GASK1A: variants seen among roughly 807,000 people sequenced by gnomAD.
GASK1A encodes the protein Golgi-associated kinase 1A.
GASK1A carries 40 observed loss-of-function variants against 41.2 expected under a neutral mutation model. That is an observed-to-expected ratio of 0.97 (90% confidence interval 0.75 to 1.27). The LOEUF is 1.27. Among genes scored for constraint, GASK1A ranks in the 50% most tolerant of loss-of-function variants. The probability of loss-of-function intolerance (pLI) is 0.00; values close to 1 mark genes in which losing one functional copy is unlikely to be tolerated. For missense variants in GASK1A, 678 were observed against 745.1 expected (o/e 0.91, Z 1.05); for synonymous variants, 316 against 307.1 (o/e 1.03, Z -0.30).
intron 1 of GASK1A, among the ~76,000 whole-genome samples, chr3:43,031,896 A>G (rs571424010): frequency 6.6e-6 from 1 of 152,344 alleles, no homozygotes; most frequent in African/African-American, 2.4e-5. Context: ...ATGGGATCAC[A>G]TGGAGACAAA....
At chr3:43,017,156 AG>A (rs1236634738) in intron 1 of GASK1A, among the ~76,000 whole-genome samples, 1 of 148,034 alleles carries the variant, frequency 6.8e-6, no homozygotes, top group African/African-American at 2.5e-5. Context: ...TCACAGAGGC[AG>A]TGTGAAGTCA....
chr3:43,045,588 T>G (rs2089657771), intron 2 of GASK1A, among the ~76,000 whole-genome samples: 1 of 152,238 alleles, frequency 6.6e-6, no homozygotes, highest in African/African-American at 2.4e-5. Context: ...TTTTCTGATC[T>G]CTGCACTAAA....
At position 43,056,182 on chromosome 3, in the gene GASK1A, T is replaced by A; in HGVS notation, c.1524T>A (p.Pro508=). 1.9e-6 allele frequency: 3 copies of A among 1,549,782 alleles called. No homozygotes were observed. Among genetic ancestry groups the A allele is most frequent in the Non-Finnish European group, 2.6e-6 (3 of 1,145,654 alleles). The change falls in exon 5 of 5, where the codon CCT becomes CCA. Residue 508 remains proline (P), a synonymous_variant. Transcript: ENST00000430121. The part of the protein sequence containing the change: ...FRLLEGIDGF[P]ESAVKVLASG... ...TCTGGGGCCTTTGCTCCAGGTTTCC[T>A]GAGTCTGCCGTGAAGGTTCTCGCAT...
intron 1 of GASK1A, among the ~76,000 whole-genome samples, chr3:42,981,715 G>A (rs556738071): frequency 6.8e-4 from 104 of 152,312 alleles, no homozygotes; most frequent in Non-Finnish European, 1.3e-3. Context: ...GAAAGCTGGG[G>A]CTCAAAGCTG....
At chr3:43,002,513 C>T (rs1482033927) in intron 1 of GASK1A, among the ~76,000 whole-genome samples, 3 of 152,102 alleles carry the variant, frequency 2.0e-5, no homozygotes, top group Non-Finnish European at 4.4e-5. Flanking sequence ...TCCTGGGGCT[C>T]CAAGGACCTC....
chr3:43,032,597 C>T lies in GASK1A; in HGVS notation c.334C>T (p.Leu112Phe), dbSNP rs1559404617. 3 of 1,551,602 alleles carry T rather than the reference C, an allele frequency of 1.9e-6. No individual in the cohort carries two copies. The highest frequency in any genetic ancestry group is 2.6e-6 in the Non-Finnish European group (3 of 1,146,930). The change falls in exon 2 of 5, where the codon CTC (leucine) becomes TTC (phenylalanine). Residue 112 changes from leucine to phenylalanine, a missense_variant. Leu to Phe is a conservative substitution (Grantham distance 22). Coordinates refer to ENST00000430121, the MANE Select transcript of GASK1A (RefSeq NM_001129908.3). ...DRSRESPGGD[L>F]RHPGRVRRDI... ...AAGCAGGGAGTCCCCAGGAGGGGACCTCAGGCATCCAGGGAGGGTGAGGAG... is the reference window on the plus strand; with the variant it reads ...AAGCAGGGAGTCCCCAGGAGGGGACTTCAGGCATCCAGGGAGGGTGAGGAG...
intron 1 of GASK1A, among the ~76,000 whole-genome samples, chr3:42,987,660 C>A (rs7644923): frequency 0.14 from 21,785 of 152,050 alleles, 1,766 homozygotes; most frequent in Non-Finnish European, 0.18. Context: ...CCCCTTTAAT[C>A]CTTTGAATTG....
At chr3:43,050,312 T>C (rs376919491) in intron 2 of GASK1A, among the ~76,000 whole-genome samples, 2 of 152,186 alleles carry the variant, frequency 1.3e-5, no homozygotes, top group East Asian at 3.8e-4. Context: ...TGACAGGCTC[T>C]CTTTTTTTTA....
At chr3:43,005,697 A>G (rs980722831) in intron 1 of GASK1A, among the ~76,000 whole-genome samples, 3 of 152,228 alleles carry the variant, frequency 2.0e-5, no homozygotes, top group Non-Finnish European at 4.4e-5. Context: ...TAAGAAAAAA[A>G]AATCGTAGGC....
chr3:43,056,150 A>T, intron 4 of GASK1A, 26 bp from the exon 5 acceptor site: 1 of 1,515,448 alleles, frequency 6.6e-7, no homozygotes. Flanking sequence ...TCTTTCTGTT[A>T]CGGGGCTCTG....
At position 43,033,309 on chromosome 3, in the gene GASK1A, G is replaced by A. The variant is rs1026132010; in HGVS notation, c.1046G>A (p.Arg349His). 29 of 1,550,952 alleles carry A rather than the reference G, an allele frequency of 1.9e-5. No homozygotes were observed. The highest frequency in any genetic ancestry group is 1.7e-4 in the Middle Eastern group (1 of 6,014). Residue 349 changes from arginine to histidine, a missense_variant, in exon 2 of 5, where the codon CGC becomes CAC. Coordinates refer to ENST00000430121, the MANE Select transcript of GASK1A (RefSeq NM_001129908.3). ...GLRRSLPAVA[R>H]RFHSPLLPYR... ...CGCCGGAGCCTACCTGCTGTGGCCC[G>A]CCGCTTCCATAGCCCCCTCCTGCCC...
chr3:43,053,693 T>C, intron 3 of GASK1A, 50 bp downstream of exon 3: 1 of 1,548,820 alleles, frequency 6.5e-7, no homozygotes, highest in Non-Finnish European at 8.7e-7. Context: ...CAGGTCTTTC[T>C]GTGTCCTTCA....
At chr3:43,042,305 CA>C (rs61149633) in intron 2 of GASK1A, among the ~76,000 whole-genome samples, 20,368 of 130,566 alleles carry the variant, frequency 0.16, 1,354 homozygotes, top group South Asian at 0.3. Context: ...CTTGTCCCTA[CA>C]AAAAAAAAAA....
chr3:43,009,657 T>G (rs1374891801), intron 1 of GASK1A, among the ~76,000 whole-genome samples: 2 of 152,232 alleles, frequency 1.3e-5, no homozygotes, highest in African/African-American at 2.4e-5. Context: ...AGAGTCATTG[T>G]GAGAATATCT....
intron 1 of GASK1A, among the ~76,000 whole-genome samples, chr3:43,028,430 A>G (rs1182562856): frequency 2.0e-5 from 3 of 152,236 alleles, no homozygotes; most frequent in Admixed American, 6.5e-5. Context: ...TGAATTTACA[A>G]TACAGAAAAT....
intron 1 of GASK1A, among the ~76,000 whole-genome samples, chr3:42,985,043 TTAGA>T (rs961055978): frequency 5.9e-5 from 9 of 152,136 alleles, no homozygotes; most frequent in Non-Finnish European, 1.5e-5. Context: ...AAGCACATAG[TTAGA>T]TAAGCTTTTC....
At position 42,992,254 on chromosome 3, in the gene GASK1A, C is replaced by A. The variant is rs117261524; in HGVS notation, c.3+12609C>A. Among the ~76,000 whole-genome samples the A allele has an allele frequency of 2.0e-5, 3 of 152,196 alleles. No homozygotes were observed. The East Asian group carries it at 5.8e-4, about 29-fold the overall frequency. On this transcript the variant is annotated intron_variant, in intron 1 of 4. Transcript: ENST00000430121. ...TATCTTACTCGGTGTGGTTTTAAAG[C>A]ATGAAGGGTTCAGAGGGTGAGTTGT...
At chr3:42,983,560 G>A (rs577469589) in intron 1 of GASK1A, among the ~76,000 whole-genome samples, 10 of 152,326 alleles carry the variant, frequency 6.6e-5, no homozygotes, top group Non-Finnish European at 1.3e-4. Flanking sequence ...GACTGGATGA[G>A]AATGTAGCTC....
intron 1 of GASK1A, among the ~76,000 whole-genome samples, chr3:42,991,784 C>T (rs2089342229): frequency 6.6e-6 from 1 of 152,138 alleles, no homozygotes; most frequent in Non-Finnish European, 1.5e-5. Flanking sequence ...GGTTCTTTCT[C>T]AAGGACAGAG....
Sources: gnomAD v4.1 joint callset for allele counts (sites outside exome capture counted in the v4.1 genomes callset) on GRCh38, gnomAD v4.1.1 for gene constraint, MANE v1.5 for transcripts, NCBI Gene and HGNC (gene_info 2026-07-23, HGNC 2026-07-21) for gene names.